The following CNGA1 variants were observed in gnomAD, a reference collection of about 807,000 sequenced individuals.
CNGA1 encodes cyclic nucleotide-gated channel alpha-1.
A neutral mutation model predicts 69.7 loss-of-function variants in CNGA1; 53 were observed. That is an observed-to-expected ratio of 0.76 (90% CI 0.61 to 0.96). CNGA1 has a LOEUF of 0.96. CNGA1 is among the 40% of genes least tolerant of loss of function. The pLI, the probability that CNGA1 is intolerant of heterozygous loss-of-function variation, is 0.00. For synonymous variants in CNGA1, 249 were observed against 283.5 expected (o/e 0.88, Z 1.22); for missense variants, 739 against 811.2 (o/e 0.91, Z 1.08).
rs753918197 is a variant in CNGA1, at chr4:47,952,577, A to T, written c.107+6T>A. The T allele has an allele frequency of 6.2e-7, 1 of 1,612,402 alleles. No individual in the cohort carries two copies. The highest frequency in any genetic ancestry group is 1.1e-5 in the South Asian group (1 of 90,912). ...TAAAAATGCATGGGAAAATGTTTGG[A>T]TTTACCTGCATGCTCCATTTTCCAT... On this transcript the variant is annotated splice_donor_region_variant and intron_variant, in intron 4 of 10. Transcript: ENST00000514170.
intron 2 of CNGA1, among the ~76,000 whole-genome samples, chr4:47,998,870 T>TA (rs769054016): frequency 1.3e-5 from 2 of 152,232 alleles, no homozygotes; most frequent in Non-Finnish European, 2.9e-5. Flanking sequence ...AAGGATACAG[T>TA]ACCCCCTTAT....
At chr4:47,960,739 G>A (rs1424113068) in intron 3 of CNGA1, among the ~76,000 whole-genome samples, 1 of 152,044 alleles carries the variant, frequency 6.6e-6, no homozygotes, top group Non-Finnish European at 1.5e-5. Context: ...ATACTTTTCA[G>A]CAATAAATAG....
At chr4:47,970,465 A>T (rs1740953886) in intron 3 of CNGA1, among the ~76,000 whole-genome samples, 1 of 151,964 alleles carries the variant, frequency 6.6e-6, no homozygotes, top group Non-Finnish European at 1.5e-5. Flanking sequence ...AGCCTGACCA[A>T]CATGGTGAAA....
At chr4:47,956,322 G>C (rs1185146730) in intron 3 of CNGA1, among the ~76,000 whole-genome samples, 1 of 152,212 alleles carries the variant, frequency 6.6e-6, no homozygotes, top group Admixed American at 6.5e-5. Context: ...GTTTATGCTG[G>C]AATGCATCTA....
chr4:48,007,934 A>G (rs1218035448), intron 2 of CNGA1, among the ~76,000 whole-genome samples: 1 of 152,110 alleles, frequency 6.6e-6, no homozygotes, highest in Non-Finnish European at 1.5e-5. Context: ...TTATTATTTC[A>G]CTCCTTTTAA....
At chr4:48,004,340 G>A (rs541143223) in intron 2 of CNGA1, among the ~76,000 whole-genome samples, 1 of 152,236 alleles carries the variant, frequency 6.6e-6, no homozygotes, top group South Asian at 2.1e-4. Context: ...GCGTCTTTGT[G>A]GTAGTGGTCC....
At chr4:47,988,836 C>G (rs1742106505) in intron 2 of CNGA1, among the ~76,000 whole-genome samples, 1 of 151,860 alleles carries the variant, frequency 6.6e-6, no homozygotes, top group Non-Finnish European at 1.5e-5. Flanking sequence ...GTCCACAGTA[C>G]AGTCATCCCT....
chr4:48,009,032 C>A (rs1715037020), intron 2 of CNGA1, among the ~76,000 whole-genome samples: 1 of 152,082 alleles, frequency 6.6e-6, no homozygotes, highest in South Asian at 2.1e-4. Context: ...ACCCCTATGC[C>A]AAATTTTGAC....
At chr4:47,969,584 C>T (rs971167261) in intron 3 of CNGA1, among the ~76,000 whole-genome samples, 2 of 152,092 alleles carry the variant, frequency 1.3e-5, no homozygotes, top group Non-Finnish European at 1.5e-5. Context: ...ATTCTCCTGC[C>T]TCAGCCTCCC....
intron 2 of CNGA1, among the ~76,000 whole-genome samples, chr4:47,987,604 A>G (rs1578115192): frequency 2.6e-5 from 4 of 152,268 alleles, no homozygotes; most frequent in Non-Finnish European, 5.9e-5. Context: ...TCAATAGGTA[A>G]CAAAACTAAT....
rs1455849914 is a variant in CNGA1 at position 48,010,905 on chromosome 4, A to G, written c.-222-12T>C. The stretch of plus-strand genomic sequence containing the variant: ...AAGCTCAGCTCGAGCTGTAACAAAC[A>G]TGGACCAGAAGAGTGCAGTTGCAAG... On this transcript the variant is annotated splice_polypyrimidine_tract_variant and intron_variant, in intron 1 of 10. Transcript: ENST00000514170. 1.3e-5 allele frequency: 2 copies of G among 152,508 alleles called. No homozygotes were observed. The highest frequency in any genetic ancestry group is 1.9e-4 in the East Asian group (1 of 5,196). 9.4% of individuals were successfully genotyped at this position (152,508 alleles called of 1,614,324 possible).
intron 3 of CNGA1, chr4:47,971,165 T>C (rs2110197147): frequency 4.8e-6 from 2 of 415,752 alleles, no homozygotes; most frequent in Non-Finnish European, 9.2e-6. Context: ...TAAATATCTA[T>C]ATTTGTGTGT....
At chr4:47,995,336 G>C (rs1221368497) in intron 2 of CNGA1, among the ~76,000 whole-genome samples, 2 of 152,062 alleles carry the variant, frequency 1.3e-5, no homozygotes, top group Non-Finnish European at 2.9e-5. Context: ...TGGAGGCTTT[G>C]TTCATATTTT....
chr4:47,998,441 TGTAGACTGGA>T (rs1250670195), intron 2 of CNGA1, among the ~76,000 whole-genome samples: 4 of 152,196 alleles, frequency 2.6e-5, no homozygotes, highest in African/African-American at 9.6e-5. Context: ...AGTTACTACC[TGTAGACTGGA>T]GAGATTCAGT....
chr4:47,991,677 C>T (rs62300273), intron 2 of CNGA1, among the ~76,000 whole-genome samples: 79,944 of 152,000 alleles, frequency 0.53, 23,047 homozygotes, highest in Non-Finnish European at 0.64. Flanking sequence ...TTAATTAAGT[C>T]CCAACTATTT....
At chr4:47,938,602 AG>A (rs374754269) in intron 10 of CNGA1, among the ~76,000 whole-genome samples, 58 of 152,240 alleles carry the variant, frequency 3.8e-4, no homozygotes, top group African/African-American at 1.3e-3. Flanking sequence ...CATATTGGCC[AG>A]GCTGGTCTTG....
intron 2 of CNGA1, among the ~76,000 whole-genome samples, chr4:47,991,822 C>A (rs1410687337): frequency 1.3e-5 from 2 of 152,240 alleles, no homozygotes; most frequent in East Asian, 3.9e-4. Context: ...AGTCTTTAAT[C>A]CATCTTGAGT....
At chr4:48,000,837 A>T (rs912093252) in intron 2 of CNGA1, among the ~76,000 whole-genome samples, 2 of 152,330 alleles carry the variant, frequency 1.3e-5, no homozygotes, top group Admixed American at 1.3e-4. Context: ...GAAAGTAAAG[A>T]AATACTGTTA....
At chr4:47,983,289 C>T (rs1203802291) in intron 2 of CNGA1, among the ~76,000 whole-genome samples, 1 of 152,110 alleles carries the variant, frequency 6.6e-6, no homozygotes, top group Non-Finnish European at 1.5e-5. Context: ...ACCTAATCTG[C>T]TTAAGAAAAT....
Sources: allele counts gnomAD v4.1 joint callset (sites outside exome capture counted in the v4.1 genomes callset), GRCh38; gene constraint gnomAD v4.1.1; transcripts MANE v1.5; gene names NCBI Gene and HGNC (gene_info 2026-07-23, HGNC 2026-07-21).